NAALADL2: variants seen among roughly 807,000 people sequenced by gnomAD.
The protein encoded by NAALADL2 is N-acetylated alpha-linked acidic dipeptidase like 2.
A neutral mutation model predicts 87.2 loss-of-function variants in NAALADL2; 76 were observed. That is an observed-to-expected ratio of 0.87 (90% CI 0.72 to 1.05). The LOEUF is 1.05. Ranked by LOEUF, NAALADL2 falls within the 50% of genes least tolerant of loss-of-function variation. The probability of loss-of-function intolerance (pLI) is 0.00; values close to 1 mark genes in which losing one functional copy is unlikely to be tolerated. For synonymous variants in NAALADL2, 354 were observed against 331.0 expected (o/e 1.07, Z -0.75); for missense variants, 1,089 against 945.8 (o/e 1.15, Z -1.99).
intron 3 of NAALADL2, among the ~76,000 whole-genome samples, chr3:174,769,968 CA>C (rs1206516082): frequency 7.2e-6 from 1 of 139,312 alleles, no homozygotes; most frequent in South Asian, 2.3e-4. Context: ...TGCTTTTTCA[CA>C]AATAATACAA....
chr3:174,689,922 T>C (rs2108850042), intron 2 of NAALADL2, among the ~76,000 whole-genome samples: 1 of 152,224 alleles, frequency 6.6e-6, no homozygotes, highest in East Asian at 1.9e-4. Flanking sequence ...CATCAACTAC[T>C]ACTGTACCTT....
chr3:175,318,338 A>G (rs558961899), intron 4 of NAALADL2, among the ~76,000 whole-genome samples: 9 of 152,202 alleles, frequency 5.9e-5, no homozygotes, highest in Admixed American at 2.6e-4. Context: ...TCAAGTTAAC[A>G]TTAACTATTT....
At chr3:174,802,832 A>G (rs766510255) in intron 3 of NAALADL2, among the ~76,000 whole-genome samples, 2 of 152,134 alleles carry the variant, frequency 1.3e-5, no homozygotes, top group Non-Finnish European at 2.9e-5. Flanking sequence ...TTATGCCTGT[A>G]TGGTATTCCA....
At chr3:175,432,975 A>G (rs1718014210) in intron 5 of NAALADL2, among the ~76,000 whole-genome samples, 1 of 151,992 alleles carries the variant, frequency 6.6e-6, no homozygotes, top group Non-Finnish European at 1.5e-5. Flanking sequence ...CTGCTGAAGC[A>G]TCTTTGCTGG....
intron 1 of NAALADL2, among the ~76,000 whole-genome samples, chr3:175,040,062 C>G (rs1222868781): frequency 6.6e-6 from 1 of 152,146 alleles, no homozygotes; most frequent in African/African-American, 2.4e-5. Flanking sequence ...CAACCCCAGC[C>G]AAGATCTCTC....
chr3:175,294,915 G>T (rs1303805028), intron 4 of NAALADL2, among the ~76,000 whole-genome samples: 1 of 152,202 alleles, frequency 6.6e-6, no homozygotes, highest in African/African-American at 2.4e-5. Context: ...CAGTCTACCT[G>T]GGTCAAAGCA....
intron 2 of NAALADL2, among the ~76,000 whole-genome samples, chr3:175,168,626 A>C (rs1734330697): frequency 6.6e-6 from 1 of 151,890 alleles, no homozygotes; most frequent in Non-Finnish European, 1.5e-5. Context: ...ATGTAATTTC[A>C]TGAATGTAAA....
At chr3:175,707,750 A>T (rs1350627735) in intron 11 of NAALADL2, among the ~76,000 whole-genome samples, 1 of 152,110 alleles carries the variant, frequency 6.6e-6, no homozygotes, top group Non-Finnish European at 1.5e-5. Flanking sequence ...TCCCTGAAAT[A>T]CTAAAGTTCA....
At chr3:174,754,320 G>T (rs563401262) in intron 3 of NAALADL2, among the ~76,000 whole-genome samples, 2 of 152,156 alleles carry the variant, frequency 1.3e-5, no homozygotes, top group African/African-American at 4.8e-5. Flanking sequence ...TTTGTAAAAT[G>T]TAATGAAAAT....
chr3:174,902,674 A>G (rs1171156751), intron 1 of NAALADL2, among the ~76,000 whole-genome samples: 1 of 152,292 alleles, frequency 6.6e-6, no homozygotes, highest in South Asian at 2.1e-4. Context: ...TTATTTATCT[A>G]TTGAAACTTG....
At chr3:175,120,067 TG>T (rs72585460) in intron 2 of NAALADL2, among the ~76,000 whole-genome samples, 20 of 47,288 alleles carry the variant, frequency 4.2e-4, no homozygotes, top group African/African-American at 1.1e-3. Flanking sequence ...TGGATTTTGA[TG>T]GTATTTAGAT....
chr3:174,957,476 T>G (rs1265797380), intron 1 of NAALADL2, among the ~76,000 whole-genome samples: 1 of 152,058 alleles, frequency 6.6e-6, no homozygotes. Context: ...TTTTTGTTAT[T>G]AATACTTAAA....
chr3:174,822,813 G>A (rs1416686352), intron 3 of NAALADL2, among the ~76,000 whole-genome samples: 4 of 152,154 alleles, frequency 2.6e-5, no homozygotes, highest in Admixed American at 2.0e-4. Context: ...TGGCCTGAAT[G>A]ATTGGAAAAT....
chr3:175,014,588 C>A (rs1021658514), intron 1 of NAALADL2, among the ~76,000 whole-genome samples: 5 of 151,998 alleles, frequency 3.3e-5, no homozygotes, highest in Non-Finnish European at 7.4e-5. Flanking sequence ...TGACACATAC[C>A]ATTTTAAAAG....
chr3:175,367,763 A>G (rs913493399), intron 5 of NAALADL2, among the ~76,000 whole-genome samples: 3 of 152,124 alleles, frequency 2.0e-5, no homozygotes, highest in Non-Finnish European at 4.4e-5. Flanking sequence ...GGGCTGAGAC[A>G]ATGGGGTTTT....
At chr3:175,444,307 A>T (rs1274906830) in intron 5 of NAALADL2, among the ~76,000 whole-genome samples, 2 of 152,216 alleles carry the variant, frequency 1.3e-5, no homozygotes, top group Non-Finnish European at 2.9e-5. Context: ...GCTGAGAGAG[A>T]AAACACATAC....
chr3:175,173,590 A>G (rs903716991), intron 2 of NAALADL2, among the ~76,000 whole-genome samples: 2 of 152,198 alleles, frequency 1.3e-5, no homozygotes, highest in South Asian at 2.1e-4. Flanking sequence ...TTTATCCACC[A>G]TATTATATTT....
intron 5 of NAALADL2, among the ~76,000 whole-genome samples, chr3:175,396,489 G>T (rs1323043784): frequency 6.6e-6 from 1 of 152,060 alleles, no homozygotes; most frequent in East Asian, 1.9e-4. Flanking sequence ...TTTCCACTGG[G>T]ACCTACAGTT....
chr3:175,563,843 G>A (rs149792242), intron 9 of NAALADL2, among the ~76,000 whole-genome samples: 2 of 152,214 alleles, frequency 1.3e-5, no homozygotes, highest in African/African-American at 4.8e-5. Flanking sequence ...TGTGAGCTAC[G>A]GGTAGTATTT....
Sources: allele counts gnomAD v4.1 joint callset (sites outside exome capture counted in the v4.1 genomes callset), GRCh38; gene constraint gnomAD v4.1.1; transcripts MANE v1.5; gene names NCBI Gene and HGNC (gene_info 2026-07-23, HGNC 2026-07-21).